The following PPP4R4 variants were observed in gnomAD, a reference collection of about 807,000 sequenced individuals.
PPP4R4 encodes serine/threonine-protein phosphatase 4 regulatory subunit 4.
PPP4R4 carries 70 observed loss-of-function variants against 121.8 expected under a neutral mutation model. The observed-to-expected ratio is 0.57, with a 90% CI of 0.47 to 0.70. The LOEUF (loss-of-function observed/expected upper bound fraction) is 0.70, where lower values mean the gene tolerates loss of function less well. Among genes scored for constraint, PPP4R4 ranks in the 30% least tolerant of loss-of-function variants. The pLI is 0.00. For missense variants in PPP4R4, 875 were observed against 1,033.6 expected, an observed-to-expected ratio of 0.85 and a Z score of 2.10; for synonymous variants, 348 against 355.7, an observed-to-expected ratio of 0.98 and a Z score of 0.24.
At chr14:94,250,137 C>G (rs1296658661) in intron 14 of PPP4R4, 35 bp from the exon 15 acceptor site, 1 of 1,367,288 alleles carries the variant, frequency 7.3e-7, no homozygotes, top group African/African-American at 1.4e-5. Flanking sequence ...TAGAATTAGC[C>G]TAGTGTAACT....
chr14:94,227,256 A>G (rs1891765655), intron 3 of PPP4R4: 4 of 1,550,932 alleles, frequency 2.6e-6, no homozygotes, highest in Non-Finnish European at 3.6e-6. Flanking sequence ...CTTAAGCAAT[A>G]GAGGAATTTA....
chr14:94,216,024 C>T (rs900945894), intron 3 of PPP4R4, among the ~76,000 whole-genome samples: 2 of 152,186 alleles, frequency 1.3e-5, no homozygotes, highest in Admixed American at 6.5e-5. Flanking sequence ...TTCACATATG[C>T]TTCCTAGTCA....
chr14:94,234,851 C>T, intron 7 of PPP4R4, among the ~76,000 whole-genome samples, 182 bp downstream of exon 7: 1 of 152,016 alleles, frequency 6.6e-6, no homozygotes, highest in East Asian at 1.9e-4. Flanking sequence ...TTTTTCTCAC[C>T]TTAGTTGCTT....
chr14:94,183,800 T>C (rs1427885613), intron 2 of PPP4R4, among the ~76,000 whole-genome samples: 1 of 152,132 alleles, frequency 6.6e-6, no homozygotes, highest in African/African-American at 2.4e-5. Flanking sequence ...GTAAGCATAG[T>C]GTTTTATTAC....
At chr14:94,209,336 T>C (rs1890621362) in intron 3 of PPP4R4, among the ~76,000 whole-genome samples, 1 of 152,066 alleles carries the variant, frequency 6.6e-6, no homozygotes, top group Admixed American at 6.6e-5. Flanking sequence ...TTTTGCTTTG[T>C]TTTTTTATTT....
intron 23 of PPP4R4, among the ~76,000 whole-genome samples, chr14:94,271,666 A>G (rs868372281): frequency 1.3e-5 from 2 of 152,222 alleles, no homozygotes; most frequent in African/African-American, 2.4e-5. Context: ...AAGGAAAGAA[A>G]AGATATACTG....
At chr14:94,276,538 CAGG>C (rs987164241) in intron 24 of PPP4R4, among the ~76,000 whole-genome samples, 1 of 152,156 alleles carries the variant, frequency 6.6e-6, no homozygotes, top group Non-Finnish European at 1.5e-5. Context: ...ATGGTAAAAA[CAGG>C]AGCAGGAGAG....
At chr14:94,265,559 T>C in intron 21 of PPP4R4, 86 bp downstream of exon 21, 1 of 1,164,616 alleles carries the variant, frequency 8.6e-7, no homozygotes, top group Non-Finnish European at 1.3e-6. Flanking sequence ...TTAGATGAGA[T>C]ACAGTAGGAT....
Position 94,233,044 on chromosome 14 carries a change from C to T in PPP4R4, c.517-609C>T, listed in dbSNP as rs374250682. Among the ~76,000 whole-genome samples the T allele has an allele frequency of 9.4e-3, 1,376 of 145,882 alleles. 26 individuals are homozygous for T. Among genetic ancestry groups the T allele is most frequent in the African/African-American group, 0.034 (1,295 of 38,294 alleles). On this transcript the variant is annotated intron_variant, in intron 5 of 24. Coordinates refer to ENST00000304338, the MANE Select transcript of PPP4R4 (RefSeq NM_058237.2). ...CTGCACTCCAGCCTGGGCGACAGAG[C>T]GAGACTCCGTCTCAAAAAAAAAAAA... is the stretch of plus-strand genomic sequence containing the variant.
intron 2 of PPP4R4, among the ~76,000 whole-genome samples, chr14:94,177,013 G>A (rs533662716): frequency 4.5e-4 from 68 of 150,800 alleles, no homozygotes; most frequent in Middle Eastern, 3.4e-3. Flanking sequence ...CAAGTTTCTC[G>A]TTCTCCTTTC....
Position 94,264,893 on chromosome 14 carries a change from GA to G in PPP4R4, c.2147del (p.Lys716SerfsTer9). On this transcript the variant is annotated frameshift_variant, in exon 20 of 25. Coordinates refer to ENST00000304338, the MANE Select transcript of PPP4R4 (RefSeq NM_058237.2). LOFTEE classifies it high-confidence loss of function. The part of the protein sequence containing the change: ...LLLEMEQLEK[E>X]KQQNDGRPMS... ...TTAATAACAGGAACAATTAGAGAAA[GA>G]AAAGCAACAGAATGATGGAAGGCCC... 6.2e-7 allele frequency: 1 copy of G among 1,603,208 alleles called. No individual in the cohort carries two copies. Among genetic ancestry groups the G allele is most frequent in the Non-Finnish European group, 8.5e-7 (1 of 1,176,678 alleles).
intron 2 of PPP4R4, among the ~76,000 whole-genome samples, chr14:94,188,526 C>T: frequency 6.6e-6 from 1 of 152,054 alleles, no homozygotes; most frequent in African/African-American, 2.4e-5. Context: ...CTTTGGACAA[C>T]ATATTGAAAT....
intron 2 of PPP4R4, among the ~76,000 whole-genome samples, chr14:94,192,374 A>G (rs181315682): frequency 2.6e-5 from 4 of 152,248 alleles, no homozygotes; most frequent in Admixed American, 2.0e-4. Context: ...TTGCCTTACA[A>G]GAAGGTTTTG....
intron 9 of PPP4R4, 96 bp from the exon 10 acceptor site, chr14:94,241,691 AT>A: frequency 1.2e-5 from 11 of 888,638 alleles, no homozygotes; most frequent in Non-Finnish European, 1.9e-5. Context: ...TTATTTAAGT[AT>A]TTGGCTCCAA....
In PPP4R4 at chr14:94,240,848, T is replaced by C. The variant is rs980296777; in HGVS notation, c.976+53T>C. On this transcript the variant is annotated intron_variant, in intron 9 of 24. Transcript: ENST00000304338. The stretch of plus-strand genomic sequence containing the variant: ...CTGTAGATAATTTTTCCCTTTTTTT[T>C]CTACCTCAGTCATTAAACTTTGGCT... 68 of 1,427,486 alleles carry C rather than the reference T, an allele frequency of 4.8e-5. 2 individuals carry two copies. In the South Asian group the frequency reaches 5.8e-4, roughly 12 times the overall value. 88.4% of individuals were successfully genotyped at this position (1,427,486 alleles called of 1,614,324 possible).
chr14:94,239,984 C>T (rs1892542722), intron 8 of PPP4R4, among the ~76,000 whole-genome samples: 1 of 152,092 alleles, frequency 6.6e-6, no homozygotes, highest in African/African-American at 2.4e-5. Context: ...TAATAATACT[C>T]ATAAGCCTGT....
intron 2 of PPP4R4, among the ~76,000 whole-genome samples, chr14:94,197,885 T>C (rs1226193983): frequency 6.6e-6 from 1 of 152,234 alleles, no homozygotes; most frequent in Non-Finnish European, 1.5e-5. Context: ...TTTTGTTCAT[T>C]TCTTTTTATT....
chr14:94,187,447 A>G (rs1889352219), intron 2 of PPP4R4, among the ~76,000 whole-genome samples: 1 of 152,200 alleles, frequency 6.6e-6, no homozygotes, highest in Non-Finnish European at 1.5e-5. Flanking sequence ...GAATAATTTT[A>G]AATTTTCACA....
intron 2 of PPP4R4, among the ~76,000 whole-genome samples, chr14:94,195,321 TGGGAC>T (rs1228881499): frequency 2.0e-5 from 3 of 152,096 alleles, no homozygotes; most frequent in Non-Finnish European, 2.9e-5. Context: ...TCTCTGGGGG[TGGGAC>T]CCAGTTTTAA....
Sources: gnomAD v4.1 joint callset for allele counts (sites outside exome capture counted in the v4.1 genomes callset) on GRCh38, gnomAD v4.1.1 for gene constraint, MANE v1.5 for transcripts, NCBI Gene and HGNC (gene_info 2026-07-23, HGNC 2026-07-21) for gene names.